The following PHLDB2 variants were observed in gnomAD, a reference collection of about 807,000 sequenced individuals.
PHLDB2 encodes the protein pleckstrin homology like domain family B member 2, also known as pleckstrin homology-like domain family B member 2.
In PHLDB2, 71 loss-of-function variants were observed where a neutral mutation model predicts 123.6. The observed-to-expected ratio is 0.57, with a 90% CI of 0.47 to 0.70. PHLDB2 has a LOEUF of 0.70. Ranked by LOEUF, PHLDB2 falls within the 30% of genes least tolerant of loss-of-function variation. The pLI, the probability that PHLDB2 is intolerant of heterozygous loss-of-function variation, is 0.00. For synonymous variants in PHLDB2, 547 were observed against 541.6 expected, an observed-to-expected ratio of 1.01 and a Z score of -0.14; for missense variants, 1,446 against 1,519.5, an observed-to-expected ratio of 0.95 and a Z score of 0.80.
At chr3:111,942,685 A>G (rs1201840546) in intron 8 of PHLDB2, among the ~76,000 whole-genome samples, 2 of 152,154 alleles carry the variant, frequency 1.3e-5, no homozygotes, top group Non-Finnish European at 2.9e-5. Context: ...TCTAAATGCA[A>G]GAAGGCTGTG....
At chr3:111,923,535 A>G (rs2068643308) in intron 5 of PHLDB2, among the ~76,000 whole-genome samples, 1 of 152,168 alleles carries the variant, frequency 6.6e-6, no homozygotes, top group African/African-American at 2.4e-5. Flanking sequence ...ATTCTGACTC[A>G]TATCCTGTGC....
intron 1 of PHLDB2, among the ~76,000 whole-genome samples, chr3:111,737,086 T>C (rs745906521): frequency 2.0e-5 from 3 of 152,130 alleles, no homozygotes; most frequent in Non-Finnish European, 2.9e-5. Flanking sequence ...GAGAATCCAT[T>C]ATTGTAGTTT....
chr3:111,789,001 C>T (rs4349472), intron 1 of PHLDB2, among the ~76,000 whole-genome samples: 142,690 of 152,270 alleles, frequency 0.94, 66,909 homozygotes, highest in East Asian at 1. Context: ...AGAAATGAAA[C>T]GATGAGCGCT....
chr3:111,942,363 C>T (rs1345949853), intron 8 of PHLDB2, among the ~76,000 whole-genome samples: 2 of 152,128 alleles, frequency 1.3e-5, no homozygotes, highest in African/African-American at 2.4e-5. Context: ...CTTCATTATT[C>T]AGGGATTCTA....
Position 111,962,242 on chromosome 3 carries a change from A to G in PHLDB2, c.3007A>G (p.Thr1003Ala). The stretch of plus-strand genomic sequence containing the variant: ...CAGCTACAAGGACCAGGCCTTTGAT[A>G]CTCTGAGCCTCGATAGCTCTGATAG... ...DHSYKDQAFD[T>A]LSLDSSDSME... Residue 1003 changes from threonine to alanine, a missense_variant, in exon 13 of 18, where the codon ACT becomes GCT. Around this residue, in one of 3 missense-constraint regions of PHLDB2, gnomAD observed 594 missense variants for 646.0 expected, o/e 0.92. Coordinates refer to ENST00000431670, the MANE Select transcript of PHLDB2 (RefSeq NM_001134438.2). 1 of 1,578,880 alleles carries G rather than the reference A, an allele frequency of 6.3e-7. No homozygotes were observed. Among genetic ancestry groups the G allele is most frequent in the East Asian group, 2.3e-5 (1 of 44,196 alleles).
chr3:111,884,212 CA>C lies in PHLDB2; in HGVS notation c.136del (p.Ser46ValfsTer2). 6.2e-7 allele frequency: 1 copy of C among 1,614,126 alleles called. No homozygotes were observed. Among genetic ancestry groups the C allele is most frequent in the Admixed American group, 1.7e-5 (1 of 60,014 alleles). On this transcript the variant is annotated frameshift_variant, in exon 2 of 18. Coordinates refer to ENST00000431670, the MANE Select transcript of PHLDB2 (RefSeq NM_001134438.2). LOFTEE classifies it high-confidence loss of function. ...ESLSPKKYSS[S>X]LRFKANGDYS... ...GCCTCAGCCCAAAGAAATACTCTTC[CA>C]GTCTGAGATTTAAAGCCAATGGAGA...
intron 5 of PHLDB2, among the ~76,000 whole-genome samples, chr3:111,924,825 A>G (rs889528072): frequency 1.3e-5 from 2 of 152,090 alleles, no homozygotes; most frequent in African/African-American, 2.4e-5. Context: ...CCCCATTCAA[A>G]TCTTTTGTTT....
intron 1 of PHLDB2, among the ~76,000 whole-genome samples, chr3:111,797,442 G>C (rs1285617862): frequency 1.3e-5 from 2 of 152,168 alleles, no homozygotes; most frequent in Non-Finnish European, 2.9e-5. Context: ...TGAATAACTA[G>C]AGGCCCAGCC....
chr3:111,936,942 G>A (rs2069532108), intron 6 of PHLDB2, among the ~76,000 whole-genome samples: 2 of 152,158 alleles, frequency 1.3e-5, no homozygotes, highest in African/African-American at 4.8e-5. Flanking sequence ...ACTTGAGTTA[G>A]TTCTTAATTC....
chr3:111,966,519 GT>G, intron 13 of PHLDB2, 93 bp from the exon 14 acceptor site: 3 of 622,260 alleles, frequency 4.8e-6, no homozygotes, highest in Non-Finnish European at 8.0e-6. Flanking sequence ...GTGTGTGTGT[GT>G]GTCTGGGGTG....
At chr3:111,899,555 G>A (rs962035197) in intron 2 of PHLDB2, among the ~76,000 whole-genome samples, 17 of 152,090 alleles carry the variant, frequency 1.1e-4, no homozygotes, top group Admixed American at 3.9e-4. Flanking sequence ...CTTTGTTGGC[G>A]CCACTTACAG....
At chr3:111,873,096 G>A (rs1256281595) in intron 1 of PHLDB2, among the ~76,000 whole-genome samples, 1 of 152,164 alleles carries the variant, frequency 6.6e-6, no homozygotes, top group Non-Finnish European at 1.5e-5. Context: ...GATATGCATG[G>A]CCAAGAAGAA....
At chr3:111,846,082 C>A (rs2063971702) in intron 2 of PHLDB2, 3 of 802,630 alleles carry the variant, frequency 3.7e-6, no homozygotes, top group African/African-American at 1.7e-5. Context: ...GCAATCCTTG[C>A]CCAGAACTTT....
intron 1 of PHLDB2, among the ~76,000 whole-genome samples, chr3:111,794,443 G>C (rs899794961): frequency 1.3e-5 from 2 of 152,176 alleles, no homozygotes; most frequent in African/African-American, 4.8e-5. Flanking sequence ...GTGATATGAA[G>C]TTAAAACCAT....
At chr3:111,871,876 A>G (rs927850703) in intron 1 of PHLDB2, among the ~76,000 whole-genome samples, 3 of 152,226 alleles carry the variant, frequency 2.0e-5, no homozygotes, top group Non-Finnish European at 4.4e-5. Context: ...GAATCTCCCA[A>G]AGAACTTTTA....
At chr3:111,885,916 A>G in intron 2 of PHLDB2, 1 of 359,480 alleles carries the variant, frequency 2.8e-6, no homozygotes, top group South Asian at 4.4e-5. Context: ...CACACTGTTC[A>G]TACACAACCT....
intron 2 of PHLDB2, among the ~76,000 whole-genome samples, chr3:111,847,684 A>G (rs962526315): frequency 2.7e-5 from 4 of 150,738 alleles, no homozygotes; most frequent in African/African-American, 7.4e-5. Flanking sequence ...GGAGAGCCTT[A>G]CTTACTGCAC....
rs1373443045 is a variant in PHLDB2 at position 111,969,217 on chromosome 3, A to T, written c.3316-473A>T. Among the ~76,000 whole-genome samples the T allele has an allele frequency of 3.3e-5, 5 of 152,132 alleles. No homozygotes were observed. The East Asian group carries it at 7.7e-4, about 23-fold the overall frequency. On this transcript the variant is annotated intron_variant, in intron 15 of 17. Coordinates refer to ENST00000431670, the MANE Select transcript of PHLDB2 (RefSeq NM_001134438.2). ...AAACTGACAAGTACAGCTTTGTGGG[A>T]TCCTGTGGGGGCCGTACTTACTAAA...
At chr3:111,780,399 A>AGAAGAAGAAGAAGAAG (rs1553726797) in intron 1 of PHLDB2, among the ~76,000 whole-genome samples, 6,066 of 74,424 alleles carry the variant, frequency 0.082, 2,292 homozygotes, top group East Asian at 0.12. Flanking sequence ...AAGAAGAAGA[A>AGAAGAAGAAGAAGAAG]GAAGAAGAAG....
Sources: gnomAD v4.1 joint callset for allele counts (sites outside exome capture counted in the v4.1 genomes callset) on GRCh38, gnomAD v4.1.1 for gene constraint, gnomAD v4.1.1 regional missense constraint, MANE v1.5 for transcripts, NCBI Gene and HGNC (gene_info 2026-07-23, HGNC 2026-07-21) for gene names.